The following SLC8A1 variants were observed in gnomAD, a reference collection of about 807,000 sequenced individuals.
The protein encoded by SLC8A1 is sodium/calcium exchanger 1.
A neutral mutation model predicts 68.3 loss-of-function variants in SLC8A1; 18 were observed. The observed-to-expected ratio is 0.26, with a 90% confidence interval of 0.18 to 0.39. The LOEUF is 0.39. SLC8A1 is among the 10% of genes least tolerant of loss of function. The pLI is 1.00. For synonymous variants in SLC8A1, 475 were observed against 415.5 expected (o/e 1.14, Z -1.74); for missense variants, 985 against 1,156.7 (o/e 0.85, Z 2.15).
At chr2:40,448,181 G>C (rs1050039634) in intron 1 of SLC8A1, among the ~76,000 whole-genome samples, 13 of 152,128 alleles carry the variant, frequency 8.5e-5, no homozygotes, top group Non-Finnish European at 2.9e-5. Context: ...CCTAGTCATT[G>C]ATTAGGTCTT....
chr2:40,137,908 A>G (rs2040826734), intron 7 of SLC8A1, among the ~76,000 whole-genome samples: 1 of 152,164 alleles, frequency 6.6e-6, no homozygotes, highest in African/African-American at 2.4e-5. Flanking sequence ...CAGTTGCATA[A>G]CACCATGCCT....
intron 4 of SLC8A1, among the ~76,000 whole-genome samples, chr2:40,166,846 G>GACTT (rs1311946440): frequency 6.6e-6 from 1 of 152,170 alleles, no homozygotes; most frequent in Non-Finnish European, 1.5e-5. Flanking sequence ...ATGAGTTGAA[G>GACTT]ACTTACACAG....
At chr2:40,193,330 A>G (rs13012123) in intron 2 of SLC8A1, among the ~76,000 whole-genome samples, 1,570 of 152,224 alleles carry the variant, frequency 0.01, 10 homozygotes, top group African/African-American at 0.015. Context: ...CTGAGTATCC[A>G]ATTTTTGTGA....
chr2:40,126,057 T>C (rs1294647104), intron 7 of SLC8A1, among the ~76,000 whole-genome samples: 1 of 152,054 alleles, frequency 6.6e-6, no homozygotes, highest in Admixed American at 6.5e-5. Context: ...TCCTTAGGGG[T>C]CAGATGAATG....
In SLC8A1 at chr2:40,279,140, C is replaced by T. The variant is rs79978280; in HGVS notation, c.1809-101285G>A. Among the ~76,000 whole-genome samples, 70 of 152,092 alleles carry T rather than the reference C, an allele frequency of 4.6e-4. No homozygotes were observed. The East Asian group carries it at 0.012, about 26-fold the overall frequency. ...TCCATAGCTATTTATGAGTAGTTTACAGCTGTTGTCTCTTTGTGCCCAAGA... is the reference window on the plus strand; with the variant it reads ...TCCATAGCTATTTATGAGTAGTTTATAGCTGTTGTCTCTTTGTGCCCAAGA... On this transcript the variant is annotated intron_variant, in intron 2 of 7. Coordinates refer to ENST00000406785, the Ensembl canonical transcript of SLC8A1.
intron 3 of SLC8A1, chr2:40,176,027 G>T (rs1558629759): frequency 2.3e-6 from 1 of 441,830 alleles, no homozygotes; most frequent in Middle Eastern, 3.3e-4. Flanking sequence ...AGGGCATTGG[G>T]TTGGGGGGAG....
chr2:40,128,561 T>C (rs1335226218), intron 7 of SLC8A1, among the ~76,000 whole-genome samples: 1 of 152,196 alleles, frequency 6.6e-6, no homozygotes, highest in Non-Finnish European at 1.5e-5. Flanking sequence ...ATCAACTGAC[T>C]GAACTGGTCA....
intron 2 of SLC8A1, among the ~76,000 whole-genome samples, chr2:40,265,847 C>A (rs567746487): frequency 1.3e-5 from 2 of 152,068 alleles, no homozygotes; most frequent in South Asian, 4.2e-4. Context: ...GAAGGAAGTT[C>A]CAGGCATAAA....
intron 7 of SLC8A1, among the ~76,000 whole-genome samples, chr2:40,117,720 C>T (rs2035794145): frequency 6.6e-6 from 1 of 152,192 alleles, no homozygotes; most frequent in South Asian, 2.1e-4. Flanking sequence ...TCTGGTCCTC[C>T]TGAGGTCCTG....
At chr2:40,244,626 G>A (rs576277665) in intron 2 of SLC8A1, among the ~76,000 whole-genome samples, 6 of 143,952 alleles carry the variant, frequency 4.2e-5, no homozygotes, top group South Asian at 2.2e-4. Flanking sequence ...GAAAGCACTC[G>A]TCAATTTTAG....
chr2:40,252,813 T>TACAC (rs1187523188), intron 2 of SLC8A1, among the ~76,000 whole-genome samples: 22 of 144,064 alleles, frequency 1.5e-4, no homozygotes, highest in African/African-American at 5.6e-4. Context: ...TATGTACATA[T>TACAC]ACATATATAT....
chr2:40,295,665 A>G (rs1045131742), intron 2 of SLC8A1, among the ~76,000 whole-genome samples: 1 of 152,166 alleles, frequency 6.6e-6, no homozygotes, highest in Non-Finnish European at 1.5e-5. Flanking sequence ...CACAAGAAAC[A>G]CCTGTGAATC....
intron 2 of SLC8A1, among the ~76,000 whole-genome samples, chr2:40,402,835 C>T (rs1230898837): frequency 1.3e-5 from 2 of 152,200 alleles, no homozygotes; most frequent in Non-Finnish European, 2.9e-5. Flanking sequence ...CCATCATCAC[C>T]TACTCCTTTA....
intron 2 of SLC8A1, among the ~76,000 whole-genome samples, chr2:40,324,152 G>A (rs2075548224): frequency 6.6e-6 from 1 of 152,008 alleles, no homozygotes; most frequent in Non-Finnish European, 1.5e-5. Flanking sequence ...ATTCTAAACA[G>A]AAATCCACGA....
At chr2:40,481,516 T>C (rs2149912896) in intron 1 of SLC8A1, among the ~76,000 whole-genome samples, 1 of 152,344 alleles carries the variant, frequency 6.6e-6, no homozygotes, top group South Asian at 2.1e-4. Flanking sequence ...CCAGATTTTT[T>C]AGCTTCTAGT....
At chr2:40,492,975 T>C (rs1169184539) in intron 1 of SLC8A1, among the ~76,000 whole-genome samples, 4 of 152,026 alleles carry the variant, frequency 2.6e-5, no homozygotes, top group Admixed American at 6.6e-5. Flanking sequence ...TACCATTTGG[T>C]CCAGCCATCC....
chr2:40,129,297 C>T (rs575408965), intron 7 of SLC8A1, among the ~76,000 whole-genome samples: 1 of 150,936 alleles, frequency 6.6e-6, no homozygotes, highest in Non-Finnish European at 1.5e-5. Flanking sequence ...ATGGCATGAT[C>T]ATGGCTCACT....
intron 2 of SLC8A1, among the ~76,000 whole-genome samples, chr2:40,250,725 A>G (rs1457637570): frequency 6.6e-6 from 1 of 152,164 alleles, no homozygotes; most frequent in Non-Finnish European, 1.5e-5. Context: ...ACATTTACCC[A>G]TGAGTTATGT....
At chr2:40,451,969 T>G (rs1029248232) in exon 1 of SLC8A1, 4 of 151,856 alleles carry the variant, frequency 2.6e-5, no homozygotes, top group African/African-American at 9.7e-5. Flanking sequence ...TACGGCGCAC[T>G]CCCTCCTTTT....
Sources: gnomAD v4.1 joint callset for allele counts (sites outside exome capture counted in the v4.1 genomes callset) on GRCh38, gnomAD v4.1.1 for gene constraint, MANE v1.5 for transcripts, NCBI Gene and HGNC (gene_info 2026-07-23, HGNC 2026-07-21) for gene names.